Variants in PCDHGA1 observed in about 807,000 individuals in gnomAD.
PCDHGA1 encodes protocadherin gamma-A1.
Under a neutral mutation model 58.0 loss-of-function variants are expected in PCDHGA1, and 32 were observed. That is an observed-to-expected ratio of 0.55 (90% CI 0.42 to 0.74). PCDHGA1 has a LOEUF of 0.74. Among genes scored for constraint, PCDHGA1 ranks in the 30% least tolerant of loss-of-function variants. The pLI, the probability that PCDHGA1 is intolerant of heterozygous loss-of-function variation, is 0.00. For synonymous variants in PCDHGA1, 498 were observed against 501.1 expected, an observed-to-expected ratio of 0.99 and a Z score of 0.08; for missense variants, 1,205 against 1,182.3, an observed-to-expected ratio of 1.02 and a Z score of -0.28.
At chr5:141,414,834 C>T in intron 1 of PCDHGA1, 1 of 1,614,252 alleles carries the variant, frequency 6.2e-7, no homozygotes, top group South Asian at 1.1e-5. Context: ...TGTCGTTGAG[C>T]CTGTTTGTGC....
rs141397385 is a variant in PCDHGA1 at position 141,476,135 on chromosome 5, A to C, written c.2422-18672A>C. 8.4e-4 allele frequency: 1,352 copies of C among 1,608,526 alleles called. 1 individual carries two copies. Among genetic ancestry groups the C allele is most frequent in the Non-Finnish European group, 1.1e-3 (1,319 of 1,178,332 alleles). On this transcript the variant is annotated intron_variant, in intron 1 of 3. Transcript: ENST00000517417. This position sits in a 1 kb window ranked among gnomAD's most constrained non-coding sequence, Gnocchi z 7.6. ...GAGTGAGATGGTCCCAGAGGCCTGG[A>C]GGAGCGGACTGGTAAGCACCGGGAG...
intron 2 of PCDHGA1, 22 bp downstream of exon 2, chr5:141,494,887 C>T (rs116522768): frequency 0.014 from 22,125 of 1,614,118 alleles, 208 homozygotes; most frequent in Middle Eastern, 0.021. Context: ...ATTCTCCAGC[C>T]CACCCTCTTC....
At chr5:141,370,379 A>AGGCGCAGAGAGCGGGAAG in intron 1 of PCDHGA1, 1 of 1,529,484 alleles carries the variant, frequency 6.5e-7, no homozygotes, top group Non-Finnish European at 8.8e-7. Context: ...AGAAAGGCAA[A>AGGCGCAGAGAGCGGGAAG]GGCGCAGAGA....
chr5:141,388,424 GATAA>G, intron 1 of PCDHGA1: 1 of 1,613,812 alleles, frequency 6.2e-7, no homozygotes, highest in Non-Finnish European at 8.5e-7. Context: ...ATTTCTCACT[GATAA>G]ATAAAGAGAA....
At chr5:141,478,478 A>T (rs764926007) in intron 1 of PCDHGA1, 2 of 1,613,740 alleles carry the variant, frequency 1.2e-6, no homozygotes, top group East Asian at 4.5e-5. Flanking sequence ...CCGCCAGAAC[A>T]CGCTGCGGAG....
chr5:141,383,186 G>A (rs760844021), intron 1 of PCDHGA1: 4 of 1,614,100 alleles, frequency 2.5e-6, no homozygotes, highest in Non-Finnish European at 3.4e-6. Flanking sequence ...GAAGAGATCT[G>A]CGCTCAGAGT....
chr5:141,413,441 T>C (rs760538286), intron 1 of PCDHGA1: 1 of 1,614,056 alleles, frequency 6.2e-7, no homozygotes, highest in Non-Finnish European at 8.5e-7. Flanking sequence ...GGCAGCTTGA[T>C]CACCGCGGGC....
intron 1 of PCDHGA1, among the ~76,000 whole-genome samples, chr5:141,479,846 C>A (rs1350909064): frequency 1.3e-5 from 2 of 152,194 alleles, no homozygotes; most frequent in Admixed American, 6.5e-5. Context: ...TGCAAGGTGA[C>A]TGCAAGGCCT....
chr5:141,354,662 C>G (rs1183093818), intron 1 of PCDHGA1, among the ~76,000 whole-genome samples: 1 of 152,142 alleles, frequency 6.6e-6, no homozygotes, highest in East Asian at 1.9e-4. Flanking sequence ...CCACCTTTGT[C>G]TTTAGGAGAG....
intron 3 of PCDHGA1, among the ~76,000 whole-genome samples, chr5:141,510,504 G>A (rs371169260): frequency 1.3e-5 from 2 of 152,154 alleles, no homozygotes; most frequent in African/African-American, 4.8e-5. Flanking sequence ...AAGGAACTGA[G>A]AGCCCGTGTC....
chr5:141,458,702 T>G (rs1333580253), intron 1 of PCDHGA1, among the ~76,000 whole-genome samples: 1 of 152,102 alleles, frequency 6.6e-6, no homozygotes, highest in East Asian at 1.9e-4. Context: ...CCCGAGTAGC[T>G]GGGATTACAG....
intron 1 of PCDHGA1, chr5:141,365,395 G>C (rs753717509): frequency 3.7e-6 from 6 of 1,613,978 alleles, no homozygotes; most frequent in Non-Finnish European, 5.1e-6. Flanking sequence ...TGACCAGTTC[G>C]ATCTCTGAAG....
chr5:141,509,577 C>G (rs569743928), intron 3 of PCDHGA1, among the ~76,000 whole-genome samples: 2 of 152,320 alleles, frequency 1.3e-5, no homozygotes, highest in African/African-American at 2.4e-5. Context: ...ACAGTGCGTA[C>G]AAATCAGCTG....
intron 1 of PCDHGA1, among the ~76,000 whole-genome samples, chr5:141,438,635 TAC>T (rs56854727): frequency 0.14 from 4,591 of 32,686 alleles, 460 homozygotes; most frequent in Middle Eastern, 0.21. Flanking sequence ...TATATATATA[TAC>T]ACACACACAC....
At chr5:141,497,969 C>T (rs1595499086) in intron 2 of PCDHGA1, among the ~76,000 whole-genome samples, 1 of 152,160 alleles carries the variant, frequency 6.6e-6, no homozygotes. Flanking sequence ...GCAGTGTTCT[C>T]GATGTGGGAG....
At chr5:141,356,643 T>G in intron 1 of PCDHGA1, 1 of 1,614,154 alleles carries the variant, frequency 6.2e-7, no homozygotes, top group Non-Finnish European at 8.5e-7. Context: ...ACCCTGACAG[T>G]GGTGACAATG....
intron 1 of PCDHGA1, chr5:141,398,765 C>T (rs2093700875): frequency 6.2e-7 from 1 of 1,613,944 alleles, no homozygotes. Flanking sequence ...TTAGTCCTGA[C>T]TGCCTTGGAC....
At chr5:141,345,556 A>C (rs1757595132) in intron 1 of PCDHGA1, 1 of 1,613,822 alleles carries the variant, frequency 6.2e-7, no homozygotes, top group Non-Finnish European at 8.5e-7. Context: ...GTCTCTATCA[A>C]CTCCAACACT....
rs369791160 is a variant in PCDHGA1 at position 141,431,269 on chromosome 5, C to G, written c.2422-63538C>G. On this transcript the variant is annotated intron_variant, in intron 1 of 3. Transcript: ENST00000517417. This position sits in a 1 kb window ranked among gnomAD's most constrained non-coding sequence, Gnocchi z 4.8. ...TCGGGAAGAACTCTCTGCAGAGCTA[C>G]GAGCTCAGCCCGAACACTCACTTCT... 1.4e-5 allele frequency: 22 copies of G among 1,614,034 alleles called. No individual in the cohort carries two copies. The highest frequency in any genetic ancestry group is 2.7e-5 in the African/African-American group (2 of 74,954).
Sources: gnomAD v4.1 joint callset for allele counts (sites outside exome capture counted in the v4.1 genomes callset) on GRCh38, gnomAD v4.1.1 for gene constraint, Gnocchi (gnomAD v3.1) non-coding constraint, MANE v1.5 for transcripts, NCBI Gene and HGNC (gene_info 2026-07-23, HGNC 2026-07-21) for gene names.